Variants in EIF2AK4 observed in about 807,000 individuals in gnomAD.
EIF2AK4 encodes the protein eIF-2-alpha kinase GCN2.
EIF2AK4 carries 139 observed loss-of-function variants against 211.1 expected under a neutral mutation model. The observed-to-expected ratio is 0.66, with a 90% confidence interval of 0.57 to 0.76. EIF2AK4 has a LOEUF of 0.76. Among genes scored for constraint, EIF2AK4 ranks in the 30% least tolerant of loss-of-function variants. EIF2AK4 has a pLI of 0.00. For synonymous variants in EIF2AK4, 710 were observed against 751.3 expected (o/e 0.94, Z 0.90); for missense variants, 1,664 against 2,043.8 (o/e 0.81, Z 3.58).
intron 23 of EIF2AK4, among the ~76,000 whole-genome samples, chr15:40,004,854 C>A (rs1477075993): frequency 1.3e-5 from 2 of 152,186 alleles, no homozygotes; most frequent in Non-Finnish European, 2.9e-5. Flanking sequence ...CCATGCCCAG[C>A]CAATCTATAT....
intron 12 of EIF2AK4, chr15:39,977,477 C>G (rs2034716512): frequency 2.0e-5 from 2 of 101,414 alleles, no homozygotes; most frequent in African/African-American, 7.0e-5. Flanking sequence ...CTGTGCGGCC[C>G]TAACAGGCAG....
At chr15:39,945,693 AGAG>A (rs1283892984) in intron 3 of EIF2AK4, among the ~76,000 whole-genome samples, 3 of 152,236 alleles carry the variant, frequency 2.0e-5, no homozygotes, top group Non-Finnish European at 4.4e-5. Context: ...TCACAGCTAG[AGAG>A]GAGAAGTCAG....
At chr15:39,969,604 C>T (rs901175161) in intron 9 of EIF2AK4, among the ~76,000 whole-genome samples, 1 of 152,148 alleles carries the variant, frequency 6.6e-6, no homozygotes, top group Admixed American at 6.5e-5. Context: ...TCGTGATCCG[C>T]CCACCTCGGC....
At chr15:39,961,935 A>T (rs2034478660) in intron 7 of EIF2AK4, 36 bp downstream of exon 7, 3 of 1,530,558 alleles carry the variant, frequency 2.0e-6, no homozygotes, top group Admixed American at 1.7e-5. Context: ...ATATTATTGT[A>T]ATGGCAAAAG....
At chr15:39,951,513 A>G in intron 4 of EIF2AK4, 1 of 403,178 alleles carries the variant, frequency 2.5e-6, no homozygotes, top group South Asian at 1.8e-5. Context: ...GCAAAGCACC[A>G]ATAGCTGCAC....
chr15:39,978,305 G>T, intron 13 of EIF2AK4, 158 bp downstream of exon 13: 1 of 396,616 alleles, frequency 2.5e-6, no homozygotes, highest in South Asian at 7.9e-5. Context: ...TATTCTACCT[G>T]TGTTTATTTA....
At chr15:40,017,551 A>ATATATGTATATG (rs71132134) in intron 29 of EIF2AK4, among the ~76,000 whole-genome samples, 30 of 87,018 alleles carry the variant, frequency 3.4e-4, no homozygotes, top group African/African-American at 1.1e-3. Context: ...ATATATATAT[A>ATATATGTATATG]TATGTATTTT....
At chr15:39,970,941 C>G (rs2034615169) in intron 9 of EIF2AK4, among the ~76,000 whole-genome samples, 1 of 152,080 alleles carries the variant, frequency 6.6e-6, no homozygotes, top group Admixed American at 6.5e-5. Flanking sequence ...ACTGCTGCAA[C>G]ATAAAAAAAA....
intron 8 of EIF2AK4, among the ~76,000 whole-genome samples, chr15:39,967,018 C>A (rs1168891197): frequency 6.6e-6 from 1 of 152,102 alleles, no homozygotes; most frequent in African/African-American, 2.4e-5. Flanking sequence ...GGCTATACCT[C>A]AAAAGAATTT....
In EIF2AK4 at chr15:39,973,990, A is replaced by G. The variant is rs1056714415; in HGVS notation, c.1818+241A>G. 8 of 366,614 alleles carry G rather than the reference A, an allele frequency of 2.2e-5. 1 individual carries two copies. In the Middle Eastern group the frequency reaches 2.2e-3, roughly 99 times the overall value. 22.7% of individuals were successfully genotyped at this position (366,614 alleles called of 1,614,324 possible). The stretch of plus-strand genomic sequence containing the variant: ...TGTGGAGCATTAACATGAAACACAC[A>G]TGGTTATAACAGCACTTCAAGTGGA... On this transcript the variant is annotated intron_variant, in intron 11 of 38. Transcript: ENST00000263791.
At chr15:39,972,184 C>A (rs540173364) in intron 9 of EIF2AK4, among the ~76,000 whole-genome samples, 39 of 151,778 alleles carry the variant, frequency 2.6e-4, no homozygotes, top group Non-Finnish European at 4.4e-4. Flanking sequence ...TGTGGTGAAA[C>A]CCTATCTCTA....
At chr15:39,962,857 C>T (rs956758557) in intron 7 of EIF2AK4, among the ~76,000 whole-genome samples, 1 of 152,156 alleles carries the variant, frequency 6.6e-6, no homozygotes, top group Non-Finnish European at 1.5e-5. Context: ...CTTTACCCAG[C>T]CTTACAGATA....
At chr15:39,954,495 C>G (rs1486877960) in intron 5 of EIF2AK4, among the ~76,000 whole-genome samples, 1 of 152,196 alleles carries the variant, frequency 6.6e-6, no homozygotes, top group Non-Finnish European at 1.5e-5. Context: ...CTCAAGTGAT[C>G]CACCCACCTT....
intron 11 of EIF2AK4, chr15:39,974,734 T>C (rs1165832266): frequency 6.6e-6 from 1 of 152,208 alleles, no homozygotes; most frequent in Non-Finnish European, 1.5e-5. Flanking sequence ...TTAATAATGA[T>C]AGGCAAGCTC....
chr15:40,012,665 T>TC (rs2035249788), intron 27 of EIF2AK4, among the ~76,000 whole-genome samples: 1 of 152,030 alleles, frequency 6.6e-6, no homozygotes, highest in South Asian at 2.1e-4. Context: ...AGAACATCTT[T>TC]TTTTTTTTTT....
At position 40,020,933 on chromosome 15, in the gene EIF2AK4, G is replaced by C. The variant is rs989124207; in HGVS notation, c.4208G>C (p.Ser1403Thr). The C allele has an allele frequency of 6.2e-6, 10 of 1,612,894 alleles. No homozygotes were observed. The highest frequency in any genetic ancestry group is 8.5e-6 in the Non-Finnish European group (10 of 1,179,430). Residue 1403 changes from serine to threonine, a missense_variant, in exon 31 of 39, where the codon AGT becomes ACT. Ser to Thr is a moderately conservative substitution (Grantham distance 58). Transcript: ENST00000263791. ...TISSCDLLVVSVGQMSMSRAI... is the reference protein window; with the variant it reads ...TISSCDLLVVTVGQMSMSRAI... ...AGCTCTTGTGACCTCCTGGTTGTAA[G>C]TGTTGGCCAGATGTCTATGTCCAGG... is the stretch of plus-strand genomic sequence containing the variant.
chr15:40,008,113 C>A lies in EIF2AK4; in HGVS notation c.3494C>A (p.Thr1165Asn), dbSNP rs758972257. ...ELLECAFDIV[T>N]STTNSFLPTA... The stretch of plus-strand genomic sequence containing the variant: ...CTGGAGTGTGCATTTGATATTGTCA[C>A]TTCTACCACCAACAGCTTTCTGCCC... Residue 1165 changes from threonine (T) to asparagine (N), a missense_variant, in exon 25 of 39, where the codon ACT becomes AAT. Physicochemically the swap from Thr to Asn is moderately conservative, Grantham distance 65. Around this residue, in one of 7 missense-constraint regions of EIF2AK4, gnomAD observed 622 missense variants for 796.8 expected, o/e 0.78. Coordinates refer to ENST00000263791, the MANE Select transcript of EIF2AK4 (RefSeq NM_001013703.4). 1 of 1,613,108 alleles carries A rather than the reference C, an allele frequency of 6.2e-7. No homozygotes were observed. The highest frequency in any genetic ancestry group is 1.7e-5 in the Admixed American group (1 of 59,848).
At chr15:39,999,089 C>T (rs1038668722) in intron 20 of EIF2AK4, among the ~76,000 whole-genome samples, 2 of 151,810 alleles carry the variant, frequency 1.3e-5, no homozygotes, top group South Asian at 4.2e-4. Context: ...CCTTTTACAA[C>T]TCATTGTTTT....
rs534243468 is a variant in EIF2AK4 at position 39,945,602 on chromosome 15, TAAGATA to T, written c.360+2119_360+2124del. ...CTTCAGCAAGTTACCCGGAAAAACC[TAAGATA>T]ATTGATGAAGGTAGCTACAGATTTT... On this transcript the variant is annotated intron_variant, in intron 3 of 38. Transcript: ENST00000263791. Among the ~76,000 whole-genome samples, 41 of 151,682 alleles carry T rather than the reference TAAGATA, an allele frequency of 2.7e-4. No homozygotes were observed. The South Asian group carries it at 2.9e-3, about 11-fold the overall frequency.
Sources: allele counts gnomAD v4.1 joint callset (sites outside exome capture counted in the v4.1 genomes callset), GRCh38; gene constraint gnomAD v4.1.1; regional missense constraint gnomAD v4.1.1; transcripts MANE v1.5; gene names NCBI Gene and HGNC (gene_info 2026-07-23, HGNC 2026-07-21).